PDGFA: variants seen among roughly 807,000 people sequenced by gnomAD.
PDGFA encodes platelet-derived growth factor subunit A.
Under a neutral mutation model 25.6 loss-of-function variants are expected in PDGFA, and 9 were observed. The ratio of observed to expected loss-of-function variants is 0.35; its 90% CI spans 0.21 to 0.61. The LOEUF (loss-of-function observed/expected upper bound fraction) is 0.61, where lower values mean the gene tolerates loss of function less well. PDGFA is among the 20% of genes least tolerant of loss of function. PDGFA has a pLI of 0.75. For synonymous variants in PDGFA, 133 were observed against 111.8 expected (o/e 1.19, Z -1.20); for missense variants, 242 against 272.8 (o/e 0.89, Z 0.79).
At chr7:508,895 G>C (rs1036441051) in intron 4 of PDGFA, among the ~76,000 whole-genome samples, 2 of 152,236 alleles carry the variant, frequency 1.3e-5, no homozygotes, top group South Asian at 4.1e-4. Context: ...CCAACAGGCA[G>C]GAAACCTCCC....
chr7:516,998 T>G, intron 2 of PDGFA, among the ~76,000 whole-genome samples: 1 of 150,842 alleles, frequency 6.6e-6, no homozygotes, highest in Non-Finnish European at 1.5e-5. Flanking sequence ...GCGCCTGCCC[T>G]TGGGGCCTCG....
At chr7:510,246 C>G (rs978269428) in intron 4 of PDGFA, among the ~76,000 whole-genome samples, 1 of 152,080 alleles carries the variant, frequency 6.6e-6, no homozygotes, top group Admixed American at 6.5e-5. Context: ...CCGGCCCTGC[C>G]TTTCCCGCAC....
At chr7:505,608 G>A (rs771166800) in intron 4 of PDGFA, among the ~76,000 whole-genome samples, 6 of 152,130 alleles carry the variant, frequency 3.9e-5, no homozygotes, top group Admixed American at 3.3e-4. Flanking sequence ...TGACTGGACC[G>A]CACGTGCCCG....
At chr7:519,088 T>G in exon 1 of PDGFA, 1 of 1,016,870 alleles carries the variant, frequency 9.8e-7, no homozygotes, top group Non-Finnish European at 1.4e-6. Flanking sequence ...CGAAATTCAG[T>G]ACCATCCCTT....
chr7:504,467 C>A (rs1297648502), intron 4 of PDGFA, among the ~76,000 whole-genome samples: 1 of 152,156 alleles, frequency 6.6e-6, no homozygotes, highest in African/African-American at 2.4e-5. Context: ...GGCCCAGCCC[C>A]CTCCTGCCTC....
Position 500,928 on chromosome 7 carries a change from C to T in PDGFA, c.580+188G>A, listed in dbSNP as rs1194144151. The T allele has an allele frequency of 6.3e-7, 1 of 1,590,694 alleles. No homozygotes were observed. The highest frequency in any genetic ancestry group is 8.5e-7 in the Non-Finnish European group (1 of 1,175,768). ...AGCTTGGGCCACCCTCCCCACCGGA[C>T]ACCTGCAGGTGTGGGATCCGTCTCC... On this transcript the variant is annotated intron_variant, in intron 5 of 5. Transcript: ENST00000402802. The surrounding 1 kb of genome is among the most constrained non-coding windows in gnomAD (Gnocchi z 5.0).
chr7:499,911 C>T (rs1782254082), intron 5 of PDGFA, among the ~76,000 whole-genome samples: 1 of 152,114 alleles, frequency 6.6e-6, no homozygotes, highest in Non-Finnish European at 1.5e-5. Context: ...AGTCATGAAG[C>T]TCGATCTTAT....
rs563196878 is a variant in PDGFA at position 512,333 on chromosome 7, G to T, written c.265+18C>A. Reference sequence around the variant, plus strand: ...CTGACCCGGCCCTGCCCTGCCCATCGCGGCCTCCTGGACTCACCGATGCTT... The same window carrying T: ...CTGACCCGGCCCTGCCCTGCCCATCTCGGCCTCCTGGACTCACCGATGCTT... On this transcript the variant is annotated intron_variant, in intron 3 of 5. Transcript: ENST00000402802. 100 of 1,601,108 alleles carry T rather than the reference G, an allele frequency of 6.2e-5. No homozygotes were observed. Among genetic ancestry groups the T allele is most frequent in the Admixed American group, 8.4e-5 (5 of 59,534 alleles).
exon 6 of PDGFA, chr7:498,318 C>A: frequency 2.1e-6 from 1 of 485,436 alleles, no homozygotes; most frequent in Non-Finnish European, 3.7e-6. Context: ...TTTTCTCTCT[C>A]TCTTTCTCTC....
At chr7:511,952 G>A (rs370883134) in intron 3 of PDGFA, among the ~76,000 whole-genome samples, 10 of 152,328 alleles carry the variant, frequency 6.6e-5, no homozygotes, top group East Asian at 3.9e-4. Context: ...TTCAGCAGCC[G>A]GCGCAGGAGC....
At position 501,000 on chromosome 7, in the gene PDGFA, C is replaced by G; in HGVS notation, c.580+116G>C. The G allele has an allele frequency of 6.2e-7, 1 of 1,604,772 alleles. No individual in the cohort carries two copies. ...AGCAGGGCAACGAATCCTTCAACAG[C>G]AGCCCAGATGCTCACAGCAGTAAGC... On this transcript the variant is annotated intron_variant, in intron 5 of 5. Coordinates refer to ENST00000402802, the Ensembl canonical transcript of PDGFA. The surrounding 1 kb of genome is among the most constrained non-coding windows in gnomAD (Gnocchi z 5.0).
chr7:512,839 C>T (rs973121189), intron 2 of PDGFA: 1 of 356,422 alleles, frequency 2.8e-6, no homozygotes, highest in Non-Finnish European at 5.4e-6. Flanking sequence ...CCGCCCAGCT[C>T]CGTGCACCTC....
At position 503,467 on chromosome 7, in the gene PDGFA, C is replaced by T. The variant is rs186757975; in HGVS notation, c.454-2225G>A. Among the ~76,000 whole-genome samples, 125 of 152,166 alleles carry T rather than the reference C, an allele frequency of 8.2e-4. 1 individual carries two copies. Among genetic ancestry groups the T allele is most frequent in the South Asian group, 3.7e-3 (18 of 4,814 alleles). On this transcript the variant is annotated intron_variant, in intron 4 of 5. Transcript: ENST00000402802. ...TGCTGGGTGAATGAGGAGACCTCAG[C>T]CCAAGGCCAGATGCCCCCAGCCCAG...
intron 4 of PDGFA, among the ~76,000 whole-genome samples, chr7:507,073 G>A (rs62433327): frequency 0.07 from 10,723 of 152,308 alleles, 501 homozygotes; most frequent in Non-Finnish European, 0.11. Flanking sequence ...GTTGACAGCC[G>A]CCTCCATCCG....
intron 2 of PDGFA, among the ~76,000 whole-genome samples, chr7:514,816 G>A (rs1392838715): frequency 6.6e-6 from 1 of 152,236 alleles, no homozygotes; most frequent in African/African-American, 2.4e-5. Flanking sequence ...GTCATTAAAA[G>A]ACCACATGCT....
At chr7:507,002 C>A (rs1481078809) in intron 4 of PDGFA, among the ~76,000 whole-genome samples, 1 of 152,230 alleles carries the variant, frequency 6.6e-6, no homozygotes, top group Non-Finnish European at 1.5e-5. Context: ...CCTCAGCTGA[C>A]CCCATCCATG....
rs745961606 is a variant in PDGFA at position 500,420 on chromosome 7, G to C, written c.580+696C>G. On this transcript the variant is annotated intron_variant, in intron 5 of 5. Transcript: ENST00000402802. The surrounding 1 kb of genome is among the most constrained non-coding windows in gnomAD (Gnocchi z 5.0). The stretch of plus-strand genomic sequence containing the variant: ...CCTGCAGGACTCAGTGTGTCCGGCA[G>C]ACAGTCCTACCTGGTTGGCTGCTTT... 1.9e-6 allele frequency: 3 copies of C among 1,613,998 alleles called. No individual in the cohort carries two copies. Among genetic ancestry groups the C allele is most frequent in the Non-Finnish European group, 1.7e-6 (2 of 1,179,876 alleles).
In PDGFA at chr7:517,339, C is replaced by A; in HGVS notation, c.160+55G>T. On this transcript the variant is annotated intron_variant, in intron 2 of 5. Transcript: ENST00000402802. The surrounding 1 kb of genome is among the most constrained non-coding windows in gnomAD (Gnocchi z 7.4). Reference sequence around the variant, plus strand: ...CCCCGCCCGGCCCCAGCTCGGGGCGCACAGGCCGCCCGCCCGCGCCCTCCC... The same window carrying A: ...CCCCGCCCGGCCCCAGCTCGGGGCGAACAGGCCGCCCGCCCGCGCCCTCCC... 1 of 851,642 alleles carries A rather than the reference C, an allele frequency of 1.2e-6. No homozygotes were observed. The highest frequency in any genetic ancestry group is 1.6e-6 in the Non-Finnish European group (1 of 622,950). 52.8% of individuals were successfully genotyped at this position (851,642 alleles called of 1,614,324 possible).
intron 4 of PDGFA, among the ~76,000 whole-genome samples, chr7:506,618 C>T (rs999980444): frequency 1.3e-5 from 2 of 152,208 alleles, no homozygotes; most frequent in Non-Finnish European, 2.9e-5. Flanking sequence ...CTGCAGTCCT[C>T]GGGCTGGCAT....
Sources: allele counts gnomAD v4.1 joint callset (sites outside exome capture counted in the v4.1 genomes callset), GRCh38; gene constraint gnomAD v4.1.1; non-coding constraint Gnocchi (gnomAD v3.1); transcripts MANE v1.5; gene names NCBI Gene and HGNC (gene_info 2026-07-23, HGNC 2026-07-21).